Variants in GRAMD1C observed in about 807,000 individuals in gnomAD.
The protein encoded by GRAMD1C is GRAM domain containing 1C, also known as protein Aster-C.
Under a neutral mutation model 97.8 loss-of-function variants are expected in GRAMD1C, and 89 were observed. The ratio of observed to expected loss-of-function variants is 0.91; its 90% CI spans 0.77 to 1.09. The LOEUF (loss-of-function observed/expected upper bound fraction) is 1.09. GRAMD1C is among the 50% of genes least tolerant of loss of function. The probability of loss-of-function intolerance (pLI) is 0.00; values close to 1 mark genes in which losing one functional copy is unlikely to be tolerated. For missense variants in GRAMD1C, 740 were observed against 766.4 expected (o/e 0.97, Z 0.41); for synonymous variants, 256 against 267.0 (o/e 0.96, Z 0.40).
At position 113,867,587 on chromosome 3, in the gene GRAMD1C, C is replaced by A. The variant is rs529226807; in HGVS notation, c.175-1920C>A. On this transcript the variant is annotated intron_variant, in intron 2 of 17. Transcript: ENST00000358160. Reference sequence around the variant, plus strand: ...AATTATAGGGATGCATGTGCCACTACGCCAGGCTCGGACTTCCTTTAGTAT... The same window carrying A: ...AATTATAGGGATGCATGTGCCACTAAGCCAGGCTCGGACTTCCTTTAGTAT... 1.1e-3 allele frequency among the ~76,000 whole-genome samples: 167 copies of A among 152,318 alleles called. 2 individuals are homozygous for A. The highest frequency in any genetic ancestry group is 2.1e-3 in the Non-Finnish European group (145 of 68,026).
At position 113,946,932 on chromosome 3, in the gene GRAMD1C, C is replaced by G. The variant is rs963004851; in HGVS notation, c.*1454C>G. On this transcript the variant is annotated 3_prime_UTR_variant, in exon 18 of 18. Transcript: ENST00000358160. Reference sequence around the variant, plus strand: ...TGGTAAGGATTTATGTAGTGTCTGGCTGTAAGCAAGAATGAGTGGATTATA... The same window carrying G: ...TGGTAAGGATTTATGTAGTGTCTGGGTGTAAGCAAGAATGAGTGGATTATA... The G allele has an allele frequency of 6.6e-6, 1 of 152,134 alleles. No homozygotes were observed. The highest frequency in any genetic ancestry group is 6.5e-5 in the Admixed American group (1 of 15,278). The allele number at this position is 152,134 out of a possible 1,614,324, so 9.4% of individuals were successfully genotyped here.
intron 11 of GRAMD1C, among the ~76,000 whole-genome samples, 186 bp downstream of exon 11, chr3:113,931,018 A>G (rs996616932): frequency 6.6e-6 from 1 of 152,248 alleles, no homozygotes. Context: ...TCCTAATTCA[A>G]ACAAACCACT....
intron 15 of GRAMD1C, chr3:113,938,993 TA>T (rs1937640128): frequency 6.6e-6 from 1 of 152,230 alleles, no homozygotes; most frequent in African/African-American, 2.4e-5. Context: ...CAGTTCTGAA[TA>T]GCAAATATTA....
chr3:113,876,207 A>G lies in GRAMD1C; in HGVS notation c.406A>G (p.Lys136Glu). ...LKNITFMTKE[K>E]TARLIPNAIQ... ...GAATATAACCTTCATGACCAAGGAA[A>G]AAACTGCTCGACTCATCCCAAACGC... Residue 136 changes from lysine to glutamate, a missense_variant, in exon 5 of 18, where the codon AAA becomes GAA. Physicochemically the swap from Lys to Glu is moderately conservative, Grantham distance 56. Coordinates refer to ENST00000358160, the MANE Select transcript of GRAMD1C (RefSeq NM_017577.5). 2 of 1,603,380 alleles carry G rather than the reference A, an allele frequency of 1.2e-6. No homozygotes were observed.
chr3:113,884,633 C>A (rs973973987), intron 6 of GRAMD1C, among the ~76,000 whole-genome samples: 1 of 152,100 alleles, frequency 6.6e-6, no homozygotes, highest in Non-Finnish European at 1.5e-5. Flanking sequence ...GAGATCGAGA[C>A]CATCCTGGCT....
rs1938067525 is a variant in GRAMD1C, at chr3:113,946,198, C to A, written c.*720C>A. On this transcript the variant is annotated 3_prime_UTR_variant, in exon 18 of 18. Transcript: ENST00000358160. ...AGAACCATCCTCTGAGTTTTAAAAA[C>A]CAGAAGGTTATGTTAAAATCTGGGC... is the stretch of plus-strand genomic sequence containing the variant. 6.6e-6 allele frequency: 1 copy of A among 152,506 alleles called. No individual in the cohort carries two copies. Among genetic ancestry groups the A allele is most frequent in the Non-Finnish European group, 1.5e-5 (1 of 67,996 alleles). The allele number at this position is 152,506 out of a possible 1,614,324, so 9.4% of individuals were successfully genotyped here. A position where few individuals can be genotyped will look rare whatever the true frequency, so the allele number is the denominator to read the frequency against.
chr3:113,914,136 A>G (rs1212345247), intron 9 of GRAMD1C, among the ~76,000 whole-genome samples: 2 of 152,224 alleles, frequency 1.3e-5, no homozygotes, highest in South Asian at 2.1e-4. Flanking sequence ...AATTATTTTT[A>G]CAGTGAACAT....
chr3:113,939,756 T>A lies in GRAMD1C; in HGVS notation c.1692-130T>A. On this transcript the variant is annotated intron_variant, in intron 15 of 17. Transcript: ENST00000358160. ...CATATAATAAAATAGGGATAATTGA[T>A]TTAAATAATAACAACAATGAAAAAC... is the stretch of plus-strand genomic sequence containing the variant. 8.9e-6 allele frequency: 5 copies of A among 562,342 alleles called. No individual in the cohort carries two copies. In the South Asian group the frequency reaches 1.2e-4, roughly 14 times the overall value. The allele number at this position is 562,342 out of a possible 1,614,324, so 34.8% of individuals were successfully genotyped here. A position where few individuals can be genotyped will look rare whatever the true frequency, so the allele number is the denominator to read the frequency against.
intron 1 of GRAMD1C, among the ~76,000 whole-genome samples, chr3:113,843,374 G>T (rs1279895617): frequency 3.3e-5 from 5 of 151,832 alleles, no homozygotes; most frequent in Non-Finnish European, 7.4e-5. Flanking sequence ...ACTGTGCCTG[G>T]CCCATATGCT....
chr3:113,858,836 G>A (rs1156397014), intron 2 of GRAMD1C, among the ~76,000 whole-genome samples: 1 of 148,262 alleles, frequency 6.7e-6, no homozygotes, highest in Non-Finnish European at 1.5e-5. Context: ...TAAGATTACA[G>A]GTGTGAGCCA....
chr3:113,845,659 C>T (rs1016184732), intron 2 of GRAMD1C, among the ~76,000 whole-genome samples: 2 of 152,082 alleles, frequency 1.3e-5, no homozygotes, highest in African/African-American at 4.8e-5. Context: ...GAGCCATGAT[C>T]GTGCCACTGC....
intron 6 of GRAMD1C, among the ~76,000 whole-genome samples, chr3:113,899,760 G>GT (rs542367133): frequency 6.6e-6 from 1 of 151,874 alleles, no homozygotes; most frequent in Non-Finnish European, 1.5e-5. Flanking sequence ...TAATAATACT[G>GT]TTTTTGTTTT....
intron 2 of GRAMD1C, chr3:113,844,922 C>T (rs545934582): frequency 7.3e-6 from 2 of 275,410 alleles, no homozygotes; most frequent in South Asian, 7.2e-5. Flanking sequence ...CACTGTAGCT[C>T]ACTGTATTGT....
At position 113,901,061 on chromosome 3, in the gene GRAMD1C, C is replaced by G. The variant is rs376036759; in HGVS notation, c.571C>G (p.Leu191Val). ...SLTRQEFWQLLQQNYGTELGL... is the reference protein window; with the variant it reads ...SLTRQEFWQLVQQNYGTELGL... ...GACTAGACAGGAATTCTGGCAACTGCTCCAGCAGAACTATGGCACTGAGCT... is the reference window on the plus strand; with the variant it reads ...GACTAGACAGGAATTCTGGCAACTGGTCCAGCAGAACTATGGCACTGAGCT... Residue 191 changes from leucine (L) to valine (V), a missense_variant, in exon 7 of 18, where the codon CTC becomes GTC. Coordinates refer to ENST00000358160, the MANE Select transcript of GRAMD1C (RefSeq NM_017577.5). 4.4e-6 allele frequency: 7 copies of G among 1,607,486 alleles called. No individual in the cohort carries two copies. In the African/African-American group the frequency reaches 9.4e-5, roughly 21 times the overall value.
chr3:113,860,844 T>C (rs1250084269), intron 2 of GRAMD1C, among the ~76,000 whole-genome samples: 8 of 151,796 alleles, frequency 5.3e-5, no homozygotes. Context: ...TGGGCACCTG[T>C]AATCCCAGCT....
rs116075779 is a variant in GRAMD1C at position 113,855,869 on chromosome 3, C to T, written c.174+11220C>T. The stretch of plus-strand genomic sequence containing the variant: ...TCTGAATCAGCTTTAAACATTTTCC[C>T]CTCTTATATAGAATTAACACTTAAA... On this transcript the variant is annotated intron_variant, in intron 2 of 17. Transcript: ENST00000358160. Among the ~76,000 whole-genome samples, 458 of 151,888 alleles carry T rather than the reference C, an allele frequency of 3.0e-3. 2 individuals are homozygous for T. The highest frequency in any genetic ancestry group is 0.011 in the African/African-American group (441 of 41,436).
At chr3:113,851,377 AT>A (rs982500772) in intron 2 of GRAMD1C, among the ~76,000 whole-genome samples, 5 of 152,242 alleles carry the variant, frequency 3.3e-5, no homozygotes, top group South Asian at 2.1e-4. Flanking sequence ...ATTTTTTAAA[AT>A]TTTTTTGTTT....
intron 9 of GRAMD1C, among the ~76,000 whole-genome samples, chr3:113,910,116 G>C (rs1281991578): frequency 6.6e-6 from 1 of 152,166 alleles, no homozygotes; most frequent in Non-Finnish European, 1.5e-5. Flanking sequence ...GGGCACAGTG[G>C]CTCACGCCTG....
chr3:113,927,564 A>G (rs1937269961), intron 10 of GRAMD1C, among the ~76,000 whole-genome samples: 1 of 152,146 alleles, frequency 6.6e-6, no homozygotes, highest in African/African-American at 2.4e-5. Flanking sequence ...GTGGGACTGG[A>G]TGTGGTCACC....
Sources: allele counts gnomAD v4.1 joint callset (sites outside exome capture counted in the v4.1 genomes callset), GRCh38; gene constraint gnomAD v4.1.1; transcripts MANE v1.5; gene names NCBI Gene and HGNC (gene_info 2026-07-23, HGNC 2026-07-21).